GAS7: variants seen among roughly 807,000 people sequenced by gnomAD.
GAS7 encodes the protein growth arrest-specific protein 7.
In GAS7, 28 loss-of-function variants were observed where a neutral mutation model predicts 71.1. That is an observed-to-expected ratio of 0.39 (90% CI 0.29 to 0.54). The LOEUF is 0.54. Among genes scored for constraint, GAS7 ranks in the 20% least tolerant of loss-of-function variants. The probability of loss-of-function intolerance (pLI) is 0.62; values close to 1 mark genes in which losing one functional copy is unlikely to be tolerated. For synonymous variants in GAS7, 258 were observed against 245.8 expected (o/e 1.05, Z -0.46); for missense variants, 436 against 627.8 (o/e 0.69, Z 3.27).
At chr17:10,077,501 A>C (rs914881898) in intron 1 of GAS7, among the ~76,000 whole-genome samples, 2 of 152,220 alleles carry the variant, frequency 1.3e-5, no homozygotes, top group Non-Finnish European at 2.9e-5. Flanking sequence ...AGAAGCTCAG[A>C]AAGGCCCAGG....
intron 9 of GAS7, 49 bp downstream of exon 9, chr17:9,934,117 G>C: frequency 8.6e-7 from 1 of 1,167,654 alleles, no homozygotes; most frequent in Non-Finnish European, 1.3e-6. Flanking sequence ...CTATTTTTTA[G>C]TACCCCAGTG....
At chr17:10,005,208 CAT>C (rs2071462266) in intron 2 of GAS7, among the ~76,000 whole-genome samples, 1 of 104,316 alleles carries the variant, frequency 9.6e-6, no homozygotes, top group African/African-American at 6.8e-5. Context: ...CATGTGTGTG[CAT>C]GTGCGCGTGT....
intron 3 of GAS7, among the ~76,000 whole-genome samples, chr17:9,980,797 C>A (rs968733605): frequency 2.0e-5 from 3 of 152,160 alleles, no homozygotes; most frequent in South Asian, 2.1e-4. Context: ...AAATAGCATG[C>A]GGCTGAGATC....
At chr17:10,125,835 C>A (rs766626085) in intron 1 of GAS7, among the ~76,000 whole-genome samples, 2 of 152,110 alleles carry the variant, frequency 1.3e-5, no homozygotes, top group Non-Finnish European at 2.9e-5. Flanking sequence ...CTTTCAGAAG[C>A]CCCTCCACCC....
At chr17:10,031,287 C>G (rs1195107163) in intron 1 of GAS7, among the ~76,000 whole-genome samples, 1 of 152,170 alleles carries the variant, frequency 6.6e-6, no homozygotes, top group Non-Finnish European at 1.5e-5. Context: ...TTTTCTGACC[C>G]TGTAAAGAAA....
intron 8 of GAS7, among the ~76,000 whole-genome samples, chr17:9,937,391 G>A (rs1047288170): frequency 1.3e-5 from 2 of 152,244 alleles, no homozygotes; most frequent in Non-Finnish European, 2.9e-5. Flanking sequence ...ACTCCGGAGT[G>A]GCACAGTGGT....
At chr17:10,078,087 T>G (rs910721620) in intron 1 of GAS7, among the ~76,000 whole-genome samples, 149 of 148,942 alleles carry the variant, frequency 1.0e-3, no homozygotes, top group South Asian at 2.9e-3. Flanking sequence ...GTGTTTTGTT[T>G]TGTTTTGTTT....
intron 2 of GAS7, among the ~76,000 whole-genome samples, chr17:10,017,332 T>C (rs939049590): frequency 4.0e-5 from 6 of 151,210 alleles, no homozygotes; most frequent in African/African-American, 1.5e-4. Flanking sequence ...ACTTTTTTTT[T>C]TTTTTTTCCT....
At position 9,941,853 on chromosome 17, in the gene GAS7, C is replaced by T. The variant is rs146320520; in HGVS notation, c.731+1268G>A. Among the ~76,000 whole-genome samples the T allele has an allele frequency of 3.9e-5, 6 of 152,200 alleles. No homozygotes were observed. The East Asian group carries it at 5.8e-4, about 15-fold the overall frequency. Reference sequence around the variant, plus strand: ...ATAGGCCCTCTGTCTATGCCCATACCACCCTGAACACATCCGATCTCATAT... The same window carrying T: ...ATAGGCCCTCTGTCTATGCCCATACTACCCTGAACACATCCGATCTCATAT... On this transcript the variant is annotated intron_variant, in intron 7 of 13. Coordinates refer to ENST00000432992, the MANE Select transcript of GAS7 (RefSeq NM_201433.2).
intron 1 of GAS7, among the ~76,000 whole-genome samples, chr17:10,138,942 T>C (rs190067609): frequency 3.9e-5 from 6 of 152,234 alleles, no homozygotes; most frequent in African/African-American, 9.6e-5. Context: ...ATGAAAAAAA[T>C]ATATGATCAT....
At position 9,981,861 on chromosome 17, in the gene GAS7, T is replaced by C. The variant is rs747997259; in HGVS notation, c.328A>G (p.Ser110Gly). The C allele has an allele frequency of 5.0e-6, 8 of 1,600,078 alleles. No homozygotes were observed. The highest frequency in any genetic ancestry group is 6.9e-6 in the Non-Finnish European group (8 of 1,167,232). Residue 110 changes from serine (S) to glycine (G), a missense_variant, in exon 3 of 14, where the codon AGT (serine) becomes GGT (glycine). By Grantham distance (56) the Ser-to-Gly change is moderately conservative. Transcript: ENST00000432992. The surrounding 1 kb of genome is among the most constrained non-coding windows in gnomAD (Gnocchi z 4.4). ...TNETTWERPS[S>G]SPGIPASPGS... Reference sequence around the variant, plus strand: ...GGGCTGGCTGGAATCCCAGGAGAACTGCTGGGACGTTCCCAGGTGGTCTCT... The same window carrying C: ...GGGCTGGCTGGAATCCCAGGAGAACCGCTGGGACGTTCCCAGGTGGTCTCT...
rs560613914 is a variant in GAS7 at position 10,122,578 on chromosome 17, T to C, written c.183+75630A>G. ...TGACTGCTGGTTTGATTAACAGCCA[T>C]GAAGAGGGGGGTTGAAAGCCTACCC... On this transcript the variant is annotated intron_variant, in intron 1 of 13. Transcript: ENST00000432992. Among the ~76,000 whole-genome samples, 46 of 152,272 alleles carry C rather than the reference T, an allele frequency of 3.0e-4. No individual in the cohort carries two copies. In the South Asian group the frequency reaches 8.9e-3, roughly 30 times the overall value.
intron 1 of GAS7, among the ~76,000 whole-genome samples, chr17:10,128,623 T>G (rs2073970588): frequency 6.6e-6 from 1 of 151,690 alleles, no homozygotes; most frequent in African/African-American, 2.4e-5. Context: ...TTTTGCTTTT[T>G]CTTTTCTCTT....
intron 1 of GAS7, among the ~76,000 whole-genome samples, chr17:10,149,064 G>C (rs568531042): frequency 6.6e-6 from 1 of 152,040 alleles, no homozygotes; most frequent in Non-Finnish European, 1.5e-5. Context: ...AAATAGAAGA[G>C]GATCCATTTT....
intron 1 of GAS7, among the ~76,000 whole-genome samples, chr17:10,189,055 A>G (rs1469838555): frequency 6.6e-6 from 1 of 152,210 alleles, no homozygotes; most frequent in East Asian, 1.9e-4. Flanking sequence ...CACTTTCTAC[A>G]TTAAGGAACT....
chr17:9,958,554 G>A (rs552541236), intron 5 of GAS7, among the ~76,000 whole-genome samples: 1 of 151,962 alleles, frequency 6.6e-6, no homozygotes, highest in East Asian at 2.0e-4. Context: ...TCTCAGGCCT[G>A]TGCCCCTCAG....
intron 12 of GAS7, 33 bp from the exon 13 acceptor site, chr17:9,918,132 G>C (rs1439510199): frequency 2.0e-6 from 3 of 1,512,904 alleles, no homozygotes; most frequent in Non-Finnish European, 2.7e-6. Flanking sequence ...AGAACTCTGA[G>C]CACGTCCCCT....
chr17:10,170,518 G>A (rs191163074), intron 1 of GAS7, among the ~76,000 whole-genome samples: 5 of 152,236 alleles, frequency 3.3e-5, no homozygotes, highest in African/African-American at 4.8e-5. Flanking sequence ...TTACTCCATC[G>A]TATCTTCCAG....
chr17:10,054,935 A>G (rs142174730), intron 1 of GAS7, among the ~76,000 whole-genome samples: 152 of 152,296 alleles, frequency 1.0e-3, no homozygotes, highest in African/African-American at 3.6e-3. Context: ...TGTCCTACTC[A>G]GTCTCTGGAA....
Sources: allele counts gnomAD v4.1 joint callset (sites outside exome capture counted in the v4.1 genomes callset), GRCh38; gene constraint gnomAD v4.1.1; non-coding constraint Gnocchi (gnomAD v3.1); transcripts MANE v1.5; gene names NCBI Gene and HGNC (gene_info 2026-07-23, HGNC 2026-07-21).